The following NIBAN3 variants were observed in gnomAD, a reference collection of about 807,000 sequenced individuals.
NIBAN3 encodes the protein niban apoptosis regulator 3.
Under a neutral mutation model 76.4 loss-of-function variants are expected in NIBAN3, and 66 were observed. The observed-to-expected ratio is 0.86, with a 90% CI of 0.71 to 1.06. The LOEUF (loss-of-function observed/expected upper bound fraction) is 1.06. Ranked by LOEUF, NIBAN3 falls within the 50% of genes least tolerant of loss-of-function variation. NIBAN3 has a pLI of 0.00. For synonymous variants in NIBAN3, 360 were observed against 355.2 expected, an observed-to-expected ratio of 1.01 and a Z score of -0.15; for missense variants, 808 against 810.7, an observed-to-expected ratio of 1.00 and a Z score of 0.04.
intron 9 of NIBAN3, among the ~76,000 whole-genome samples, 173 bp from the exon 10 acceptor site, chr19:17,541,963 T>C (rs1198075987): frequency 6.6e-6 from 1 of 152,068 alleles, no homozygotes; most frequent in East Asian, 1.9e-4. Context: ...GGACTACAGG[T>C]GTGAGCCACC....
chr19:17,550,061 C>A (rs2076130337), intron 14 of NIBAN3, among the ~76,000 whole-genome samples: 1 of 151,992 alleles, frequency 6.6e-6, no homozygotes, highest in South Asian at 2.1e-4. Context: ...CTCACATGAT[C>A]TGACTGCCTC....
intron 13 of NIBAN3, among the ~76,000 whole-genome samples, chr19:17,547,271 T>C (rs1388198253): frequency 6.7e-6 from 1 of 148,196 alleles, no homozygotes; most frequent in Non-Finnish European, 1.5e-5. Flanking sequence ...GCAGAATCGC[T>C]TGAACCCAGG....
At chr19:17,549,643 T>C in intron 14 of NIBAN3, 116 bp downstream of exon 14, 1 of 886,512 alleles carries the variant, frequency 1.1e-6, no homozygotes, top group Non-Finnish European at 1.9e-6. Context: ...CGGAACAGAA[T>C]GCACTTTGTC....
chr19:17,528,556 G>A (rs1370094493), intron 1 of NIBAN3, among the ~76,000 whole-genome samples: 4 of 152,124 alleles, frequency 2.6e-5, no homozygotes, highest in Admixed American at 6.6e-5. Context: ...TAGGACCCTG[G>A]GGATGGAGGC....
chr19:17,546,511 G>A (rs1251671277), intron 12 of NIBAN3, 175 bp from the exon 13 acceptor site: 11 of 1,161,882 alleles, frequency 9.5e-6, no homozygotes, highest in South Asian at 5.7e-5. Context: ...CACCGCACCC[G>A]GCCTGTTTAT....
rs2075979097 is a variant in NIBAN3, at chr19:17,542,745, G to A, written c.1329+451G>A. 6.6e-6 allele frequency among the ~76,000 whole-genome samples: 1 copy of A among 152,174 alleles called. No homozygotes were observed. The highest frequency in any genetic ancestry group is 1.5e-5 in the Non-Finnish European group (1 of 68,030). On this transcript the variant is annotated intron_variant, in intron 10 of 14. Transcript: ENST00000599164. The surrounding 1 kb of genome is among the most constrained non-coding windows in gnomAD (Gnocchi z 4.8). ...TGAGCTCTTTCCTGAGGGCAATGGG[G>A]AGCCAGAGCAGGTATGTGAGCAGGG...
upstream of NIBAN3, chr19:17,523,409 G>T: frequency 6.5e-7 from 1 of 1,548,946 alleles, no homozygotes; most frequent in South Asian, 1.2e-5. Context: ...GTCCCGGCAG[G>T]CCACTCAGAT....
chr19:17,553,309 C>T lies in NIBAN3; in HGVS notation c.*1411C>T. On this transcript the variant is annotated 3_prime_UTR_variant, in exon 15 of 15. Transcript: ENST00000599164. ...GCTGTGAGCCTTTTGGGTTTGTTTC[C>T]TAGCTCCAAATCTTAACTTGGTGTC... 6.2e-7 allele frequency: 1 copy of T among 1,611,832 alleles called. No individual in the cohort carries two copies. The highest frequency in any genetic ancestry group is 8.5e-7 in the Non-Finnish European group (1 of 1,178,496).
At chr19:17,545,161 ATTTATTTTAT>A (rs71162150) in intron 12 of NIBAN3, 9,396 of 133,276 alleles carry the variant, frequency 0.071, 502 homozygotes, top group Admixed American at 0.18. Flanking sequence ...AGACTATTTT[ATTTATTTTAT>A]TTTATTTTAT....
intron 4 of NIBAN3, among the ~76,000 whole-genome samples, chr19:17,537,003 T>C (rs570523108): frequency 7.3e-4 from 111 of 152,112 alleles, no homozygotes; most frequent in African/African-American, 2.6e-3. Flanking sequence ...ATGAAAGTGG[T>C]TTGGTCAGGT....
intron 13 of NIBAN3, among the ~76,000 whole-genome samples, chr19:17,547,604 T>C (rs1396402970): frequency 6.6e-6 from 1 of 151,292 alleles, no homozygotes; most frequent in Non-Finnish European, 1.5e-5. Flanking sequence ...CCTCCCCCCT[T>C]GGGCTCCCAA....
chr19:17,544,763 G>T (rs941631741), intron 12 of NIBAN3, among the ~76,000 whole-genome samples: 1 of 152,182 alleles, frequency 6.6e-6, no homozygotes, highest in Non-Finnish European at 1.5e-5. Context: ...TCTGACATGG[G>T]TACAAACAGA....
At chr19:17,527,513 C>A in intron 1 of NIBAN3, 118 bp downstream of exon 1, 1 of 1,010,110 alleles carries the variant, frequency 9.9e-7, no homozygotes, top group Non-Finnish European at 1.4e-6. Context: ...TGTCAAAACA[C>A]ACAGGATGCC....
intron 13 of NIBAN3, 105 bp downstream of exon 13, chr19:17,546,902 C>T (rs2076066037): frequency 1.4e-6 from 2 of 1,413,418 alleles, no homozygotes; most frequent in Non-Finnish European, 1.9e-6. Flanking sequence ...GAATACTTGC[C>T]ATTTGACCTT....
chr19:17,549,092 G>T (rs1032417264), intron 13 of NIBAN3, among the ~76,000 whole-genome samples: 2 of 152,198 alleles, frequency 1.3e-5, no homozygotes, highest in African/African-American at 4.8e-5. Flanking sequence ...GTTTTAAATA[G>T]GAATAAAAGC....
chr19:17,525,292 G>T (rs146024888), upstream of NIBAN3, among the ~76,000 whole-genome samples: 1 of 152,144 alleles, frequency 6.6e-6, no homozygotes, highest in Non-Finnish European at 1.5e-5. Flanking sequence ...TCACATTTCC[G>T]CTTGGAGTGT....
chr19:17,525,628 G>T (rs57205379), upstream of NIBAN3, among the ~76,000 whole-genome samples: 4 of 152,026 alleles, frequency 2.6e-5, no homozygotes, highest in Admixed American at 2.6e-4. Context: ...GGACAAGACC[G>T]CGGGGGTCAG....
chr19:17,555,232 A>T (rs952187891), downstream of NIBAN3, among the ~76,000 whole-genome samples: 2 of 152,164 alleles, frequency 1.3e-5, no homozygotes, highest in Non-Finnish European at 2.9e-5. Context: ...ACAACCCTCA[A>T]TGACATCCCT....
intron 3 of NIBAN3, among the ~76,000 whole-genome samples, chr19:17,532,949 G>A (rs1439681255): frequency 6.6e-6 from 1 of 151,854 alleles, no homozygotes; most frequent in Non-Finnish European, 1.5e-5. Flanking sequence ...GGCAGAGGTA[G>A]GATGGATGGA....
Sources: gnomAD v4.1 joint callset for allele counts (sites outside exome capture counted in the v4.1 genomes callset) on GRCh38, gnomAD v4.1.1 for gene constraint, Gnocchi (gnomAD v3.1) non-coding constraint, MANE v1.5 for transcripts, NCBI Gene and HGNC (gene_info 2026-07-23, HGNC 2026-07-21) for gene names.